MAPK8: variants seen among roughly 807,000 people sequenced by gnomAD.
The protein encoded by MAPK8 is mitogen-activated protein kinase 8, also known as JUN N-terminal kinase.
MAPK8 carries 13 observed loss-of-function variants against 52.9 expected under a neutral mutation model. The observed-to-expected ratio is 0.25, with a 90% confidence interval of 0.16 to 0.39. The LOEUF is 0.39. Among genes scored for constraint, MAPK8 ranks in the 10% least tolerant of loss-of-function variants. The pLI is 1.00. For missense variants in MAPK8, 300 were observed against 519.2 expected (o/e 0.58, Z 4.10); for synonymous variants, 191 against 169.8 (o/e 1.12, Z -0.97).
intron 1 of MAPK8, among the ~76,000 whole-genome samples, chr10:48,330,841 C>T (rs569431328): frequency 6.6e-6 from 1 of 152,294 alleles, no homozygotes; most frequent in East Asian, 1.9e-4. Flanking sequence ...AAACTTTCTT[C>T]CCTTTTATGG....
intron 1 of MAPK8, among the ~76,000 whole-genome samples, chr10:48,341,604 T>C (rs559058914): frequency 3.2e-4 from 48 of 152,358 alleles, no homozygotes; most frequent in African/African-American, 1.2e-3. Flanking sequence ...TTGGTGCTTA[T>C]TATGCGCCAG....
At chr10:48,409,375 T>C (rs1415690342) in intron 3 of MAPK8, among the ~76,000 whole-genome samples, 1 of 152,192 alleles carries the variant, frequency 6.6e-6, no homozygotes, top group Non-Finnish European at 1.5e-5. Context: ...TGTTACCTTA[T>C]TTTGTGAGAT....
chr10:48,327,701 A>G (rs1291706442), intron 1 of MAPK8, among the ~76,000 whole-genome samples: 2 of 152,142 alleles, frequency 1.3e-5, no homozygotes, highest in Non-Finnish European at 2.9e-5. Flanking sequence ...CACCAGTAAA[A>G]CTGTTCAGGC....
chr10:48,344,370 G>T (rs1418244642), intron 1 of MAPK8, among the ~76,000 whole-genome samples: 1 of 152,198 alleles, frequency 6.6e-6, no homozygotes, highest in Non-Finnish European at 1.5e-5. Flanking sequence ...AGCTACTGCT[G>T]TTTAAGATGG....
intron 1 of MAPK8, among the ~76,000 whole-genome samples, chr10:48,365,675 A>G (rs1053753619): frequency 3.3e-5 from 5 of 152,188 alleles, no homozygotes; most frequent in Non-Finnish European, 4.4e-5. Context: ...TCATTTGTCT[A>G]TAAAGAATCT....
At chr10:48,307,713 G>A (rs557610910) in intron 1 of MAPK8, among the ~76,000 whole-genome samples, 1 of 152,298 alleles carries the variant, frequency 6.6e-6, no homozygotes, top group East Asian at 1.9e-4. Flanking sequence ...CTGAAATCCA[G>A]CGATCTTTCC....
intron 1 of MAPK8, among the ~76,000 whole-genome samples, chr10:48,348,890 A>G (rs1026141542): frequency 2.6e-5 from 4 of 151,644 alleles, no homozygotes; most frequent in Non-Finnish European, 1.5e-5. Flanking sequence ...GGGCATGTGC[A>G]AAGACACTCA....
intron 5 of MAPK8, among the ~76,000 whole-genome samples, chr10:48,419,037 C>T (rs1247800828): frequency 6.6e-6 from 1 of 152,128 alleles, no homozygotes; most frequent in East Asian, 1.9e-4. Flanking sequence ...ATTATATTTA[C>T]AGAATACCAA....
At chr10:48,398,468 A>G (rs1220970166) in intron 1 of MAPK8, among the ~76,000 whole-genome samples, 1 of 152,246 alleles carries the variant, frequency 6.6e-6, no homozygotes, top group Non-Finnish European at 1.5e-5. Context: ...AGAATGTGGA[A>G]CAACTGGACC....
intron 1 of MAPK8, among the ~76,000 whole-genome samples, chr10:48,378,090 C>G (rs555618484): frequency 8.5e-5 from 13 of 152,116 alleles, no homozygotes; most frequent in Non-Finnish European, 1.9e-4. Flanking sequence ...TTTCTTCCCC[C>G]CTCCCTCCGC....
At chr10:48,316,855 G>A (rs1842549708) in intron 1 of MAPK8, among the ~76,000 whole-genome samples, 1 of 152,142 alleles carries the variant, frequency 6.6e-6, no homozygotes, top group Non-Finnish European at 1.5e-5. Flanking sequence ...GTTTTCTACT[G>A]AAGGACGCAT....
chr10:48,404,772 T>C, intron 2 of MAPK8, 80 bp from the exon 3 acceptor site: 1 of 1,057,032 alleles, frequency 9.5e-7, no homozygotes, highest in Non-Finnish European at 1.4e-6. Flanking sequence ...AAGTGAGAAA[T>C]GTATATGACT....
chr10:48,432,366 A>G (rs1589313902), intron 11 of MAPK8, among the ~76,000 whole-genome samples: 1 of 152,160 alleles, frequency 6.6e-6, no homozygotes, highest in South Asian at 2.1e-4. Flanking sequence ...ATTTTTGGTT[A>G]TATATTTTAG....
intron 1 of MAPK8, among the ~76,000 whole-genome samples, chr10:48,393,502 C>G (rs1456459365): frequency 1.3e-5 from 2 of 152,022 alleles, no homozygotes; most frequent in African/African-American, 4.8e-5. Flanking sequence ...AAGGAAACAT[C>G]AGACAAAATG....
chr10:48,375,741 A>G (rs2040618597), intron 1 of MAPK8, among the ~76,000 whole-genome samples: 2 of 152,226 alleles, frequency 1.3e-5, no homozygotes, highest in South Asian at 4.1e-4. Flanking sequence ...ATAAGAGGGG[A>G]CACAAACAAA....
chr10:48,357,826 G>GGAA (rs1847124064), intron 1 of MAPK8, among the ~76,000 whole-genome samples: 1 of 152,116 alleles, frequency 6.6e-6, no homozygotes, highest in South Asian at 2.1e-4. Context: ...CACCCCAAGA[G>GGAA]GAAACCCTGT....
intron 1 of MAPK8, among the ~76,000 whole-genome samples, chr10:48,396,159 A>C (rs1370570509): frequency 6.6e-6 from 1 of 152,148 alleles, no homozygotes; most frequent in Non-Finnish European, 1.5e-5. Flanking sequence ...GAGCATAAAA[A>C]GGCAAGCCAC....
At chr10:48,350,157 AG>A (rs1846168598) in intron 1 of MAPK8, among the ~76,000 whole-genome samples, 1 of 152,256 alleles carries the variant, frequency 6.6e-6, no homozygotes, top group South Asian at 2.1e-4. Context: ...GCCCAGGACC[AG>A]ACGGATTCAC....
chr10:48,421,603 T>G (rs2043359804), intron 6 of MAPK8, among the ~76,000 whole-genome samples: 1 of 152,136 alleles, frequency 6.6e-6, no homozygotes, highest in Admixed American at 6.5e-5. Context: ...CTAGGAGTTC[T>G]AGACCAGCCT....
Sources: allele counts gnomAD v4.1 joint callset (sites outside exome capture counted in the v4.1 genomes callset), GRCh38; gene constraint gnomAD v4.1.1; transcripts MANE v1.5; gene names NCBI Gene and HGNC (gene_info 2026-07-23, HGNC 2026-07-21).